Variants in NADSYN1 observed in about 807,000 individuals in gnomAD.
NADSYN1 encodes the protein glutamine-dependent NAD(+) synthetase.
Under a neutral mutation model 99.3 loss-of-function variants are expected in NADSYN1, and 80 were observed. The observed-to-expected ratio is 0.81, with a 90% confidence interval of 0.67 to 0.97. NADSYN1 has a LOEUF of 0.97. NADSYN1 is among the 50% of genes least tolerant of loss of function. The probability of loss-of-function intolerance (pLI) is 0.00; values close to 1 mark genes in which losing one functional copy is unlikely to be tolerated. For synonymous variants in NADSYN1, 385 were observed against 372.1 expected (o/e 1.03, Z -0.40); for missense variants, 859 against 948.5 (o/e 0.91, Z 1.24).
At chr11:71,481,527 C>A in intron 12 of NADSYN1, 123 bp downstream of exon 12, 1 of 979,218 alleles carries the variant, frequency 1.0e-6, no homozygotes, top group African/African-American at 1.7e-5. Context: ...AGCATTTCAT[C>A]ACTCTGCCTC....
At position 71,481,967 on chromosome 11, in the gene NADSYN1, C is replaced by A; in HGVS notation, c.1092C>A (p.Ala364=). Residue 364 remains alanine (A), a synonymous_variant, in exon 13 of 21, where the codon GCC becomes GCA. Coordinates refer to ENST00000319023, the MANE Select transcript of NADSYN1 (RefSeq NM_018161.5). ...LPLSGGVDSA[A]TACLIYSMCC... ...TGAGTGGCGGGGTGGACAGCGCAGCCACCGCCTGCCTCATCTACTCCATGT... is the reference window on the plus strand; with the variant it reads ...TGAGTGGCGGGGTGGACAGCGCAGCAACCGCCTGCCTCATCTACTCCATGT... 6.2e-7 allele frequency: 1 copy of A among 1,608,740 alleles called. No individual in the cohort carries two copies. The highest frequency in any genetic ancestry group is 8.5e-7 in the Non-Finnish European group (1 of 1,177,912).
chr11:71,494,929 T>C (rs971614419), intron 18 of NADSYN1, among the ~76,000 whole-genome samples: 4 of 152,242 alleles, frequency 2.6e-5, no homozygotes, highest in African/African-American at 9.6e-5. Context: ...TCACTCTTTT[T>C]TCTTGGTCAT....
intron 5 of NADSYN1, among the ~76,000 whole-genome samples, chr11:71,468,537 GA>G (rs1949608098): frequency 6.7e-6 from 1 of 149,702 alleles, no homozygotes; most frequent in Non-Finnish European, 1.5e-5. Flanking sequence ...CAGAAGAAAA[GA>G]AGACTAAAAA....
chr11:71,496,049 C>T (rs1178659850), intron 18 of NADSYN1, among the ~76,000 whole-genome samples: 1 of 152,230 alleles, frequency 6.6e-6, no homozygotes, highest in Non-Finnish European at 1.5e-5. Flanking sequence ...CCTCGGCCCT[C>T]TTCTTCTCTG....
chr11:71,491,787 C>G (rs953260768), intron 17 of NADSYN1, 47 bp from the exon 18 acceptor site: 2 of 1,578,688 alleles, frequency 1.3e-6, no homozygotes, highest in South Asian at 1.1e-5. Context: ...AGAGCTCACA[C>G]CACCCTCGCA....
At chr11:71,487,779 C>T (rs1028339779) in intron 16 of NADSYN1, among the ~76,000 whole-genome samples, 4 of 133,634 alleles carry the variant, frequency 3.0e-5, no homozygotes, top group Admixed American at 9.1e-5. Flanking sequence ...GGCAGTGAGC[C>T]GAGTTCGCGC....
At chr11:71,501,169 C>A in intron 20 of NADSYN1, 133 bp from the exon 21 acceptor site, 1 of 784,722 alleles carries the variant, frequency 1.3e-6, no homozygotes, top group Non-Finnish European at 1.9e-6. Flanking sequence ...ACACGCCCAG[C>A]ATCTGGTGGG....
At chr11:71,498,624 C>T (rs1263026286) in intron 20 of NADSYN1, 96 bp downstream of exon 20, 1 of 1,381,076 alleles carries the variant, frequency 7.2e-7, no homozygotes, top group Non-Finnish European at 9.9e-7. Flanking sequence ...TTCTTATATA[C>T]ACAGTAACTT....
At chr11:71,493,819 A>AT (rs1296560970) in intron 18 of NADSYN1, among the ~76,000 whole-genome samples, 2 of 151,974 alleles carry the variant, frequency 1.3e-5, no homozygotes, top group Non-Finnish European at 2.9e-5. Context: ...GAGTCAAACA[A>AT]TTTTTTTTAA....
intron 16 of NADSYN1, among the ~76,000 whole-genome samples, chr11:71,486,521 A>T (rs925687025): frequency 6.6e-6 from 1 of 151,314 alleles, no homozygotes; most frequent in Non-Finnish European, 1.5e-5. Flanking sequence ...CTATGCATTC[A>T]TCCATCCATT....
At position 71,478,770 on chromosome 11, in the gene NADSYN1, C is replaced by T. The variant is rs1291149092; in HGVS notation, c.873+301C>T. On this transcript the variant is annotated intron_variant, in intron 10 of 20. Transcript: ENST00000319023. ...TGCCACACAAGGAAGACCCAAGCAG[C>T]CTTGGAGCCCAGGAAGGCCTCAAGG... 3 of 337,990 alleles carry T rather than the reference C, an allele frequency of 8.9e-6. No homozygotes were observed. The East Asian group carries it at 1.7e-4, about 20-fold the overall frequency. The allele number at this position is 337,990 out of a possible 1,614,324, so 20.9% of individuals were successfully genotyped here.
chr11:71,454,876 T>C (rs1376082680), intron 1 of NADSYN1, among the ~76,000 whole-genome samples: 1 of 146,450 alleles, frequency 6.8e-6, no homozygotes, highest in East Asian at 2.0e-4. Context: ...TATATGCAAG[T>C]ATAAGCAGGT....
chr11:71,483,042 C>T (rs1949719883), intron 14 of NADSYN1, 25 bp downstream of exon 14: 1 of 1,610,516 alleles, frequency 6.2e-7, no homozygotes, highest in Admixed American at 1.7e-5. Context: ...TGGTATTGGG[C>T]ATGGCAGGTG....
intron 7 of NADSYN1, 30 bp downstream of exon 7, chr11:71,473,396 C>T (rs759564665): frequency 1.6e-5 from 26 of 1,607,798 alleles, no homozygotes; most frequent in Non-Finnish European, 1.9e-5. Context: ...GCTGTCTGAT[C>T]GCCCACCTCA....
At chr11:71,494,362 G>A (rs1949805082) in intron 18 of NADSYN1, among the ~76,000 whole-genome samples, 1 of 152,182 alleles carries the variant, frequency 6.6e-6, no homozygotes, top group African/African-American at 2.4e-5. Flanking sequence ...CACGTGTGTA[G>A]CCTAGGAGCT....
chr11:71,501,415 C>G lies in NADSYN1; in HGVS notation c.*63C>G. 3 of 1,511,970 alleles carry G rather than the reference C, an allele frequency of 2.0e-6. No individual in the cohort carries two copies. In the South Asian group the frequency reaches 3.6e-5, roughly 18 times the overall value. 93.7% of individuals were successfully genotyped at this position (1,511,970 alleles called of 1,614,324 possible). On this transcript the variant is annotated 3_prime_UTR_variant, in exon 21 of 21. Coordinates refer to ENST00000319023, the MANE Select transcript of NADSYN1 (RefSeq NM_018161.5). The stretch of plus-strand genomic sequence containing the variant: ...CCCCAGCACCTCATCATCAGCATTG[C>G]TGGAGCCAAGGGTAGGAGCCCTACA...
At chr11:71,461,827 C>T (rs1438973460) in intron 3 of NADSYN1, among the ~76,000 whole-genome samples, 3 of 152,186 alleles carry the variant, frequency 2.0e-5, no homozygotes, top group African/African-American at 4.8e-5. Context: ...ATAAGAACTC[C>T]GCCCCCACCA....
rs1949719562 is a variant in NADSYN1, at chr11:71,482,997, G to T, written c.1299G>T (p.Glu433Asp). 1 of 1,612,148 alleles carries T rather than the reference G, an allele frequency of 6.2e-7. No individual in the cohort carries two copies. The highest frequency in any genetic ancestry group is 1.3e-5 in the African/African-American group (1 of 74,830). ...SSQETCTRAR[E>D]LAQQIGSHHI... ...AGGAGACGTGCACCCGGGCCAGAGA[G>T]TTGGCCCAGCAGATTGGAAGGTAGA... Residue 433 changes from glutamate to aspartate, a missense_variant, in exon 14 of 21, where the codon GAG becomes GAT. Glu to Asp is a conservative substitution (Grantham distance 45, BLOSUM62 2). Transcript: ENST00000319023.
At chr11:71,484,804 C>T (rs1949731537) in intron 15 of NADSYN1, 1 of 279,754 alleles carries the variant, frequency 3.6e-6, no homozygotes, top group Non-Finnish European at 7.1e-6. Context: ...TGAGAGGTTA[C>T]ATGAGTGTAT....
Sources: gnomAD v4.1 joint callset for allele counts (sites outside exome capture counted in the v4.1 genomes callset) on GRCh38, gnomAD v4.1.1 for gene constraint, MANE v1.5 for transcripts, NCBI Gene and HGNC (gene_info 2026-07-23, HGNC 2026-07-21) for gene names.